The following PCDH15 variants were observed in gnomAD, a reference collection of about 807,000 sequenced individuals.
PCDH15 encodes protocadherin-15.
PCDH15 carries 129 observed loss-of-function variants against 178.5 expected under a neutral mutation model. That is an observed-to-expected ratio of 0.72 (90% CI 0.63 to 0.84). The LOEUF (loss-of-function observed/expected upper bound fraction) is 0.84, where lower values mean the gene tolerates loss of function less well. Among genes scored for constraint, PCDH15 ranks in the 40% least tolerant of loss-of-function variants. The pLI, the probability that PCDH15 is intolerant of heterozygous loss-of-function variation, is 0.00. For synonymous variants in PCDH15, 800 were observed against 732.0 expected, an observed-to-expected ratio of 1.09 and a Z score of -1.50; for missense variants, 2,230 against 2,099.9, an observed-to-expected ratio of 1.06 and a Z score of -1.21.
At chr10:55,526,320 A>G (rs1415550913) in intron 2 of PCDH15, among the ~76,000 whole-genome samples, 2 of 152,030 alleles carry the variant, frequency 1.3e-5, no homozygotes, top group Admixed American at 6.6e-5. Context: ...TCCAATACGT[A>G]GAAAACAGGA....
intron 15 of PCDH15, among the ~76,000 whole-genome samples, chr10:54,114,943 C>T (rs10740573): frequency 0.74 from 113,205 of 152,050 alleles, 42,987 homozygotes; most frequent in East Asian, 0.99. Context: ...GAAGCCATGT[C>T]AGGAATTTAA....
intron 1 of PCDH15, among the ~76,000 whole-genome samples, chr10:55,236,686 G>T (rs910361839): frequency 6.6e-6 from 1 of 151,748 alleles, no homozygotes; most frequent in Admixed American, 6.6e-5. Flanking sequence ...AAAAGTTGGC[G>T]TTTTCCTATT....
At chr10:54,231,953 T>C (rs1350828247) in intron 9 of PCDH15, among the ~76,000 whole-genome samples, 1 of 152,116 alleles carries the variant, frequency 6.6e-6, no homozygotes, top group Non-Finnish European at 1.5e-5. Flanking sequence ...TCAGATGAGA[T>C]TTTGGACTGT....
intron 2 of PCDH15, among the ~76,000 whole-genome samples, chr10:55,140,041 C>T (rs10740613): frequency 0.91 from 138,643 of 151,768 alleles, 63,799 homozygotes; most frequent in Non-Finnish European, 0.97. Flanking sequence ...TCAAATAGTT[C>T]ATTTTCAATT....
intron 2 of PCDH15, among the ~76,000 whole-genome samples, chr10:54,562,709 T>C (rs998330273): frequency 5.9e-5 from 9 of 152,092 alleles, no homozygotes; most frequent in African/African-American, 2.2e-4. Context: ...TCAGTCTCTC[T>C]CTCTTGATAT....
intron 2 of PCDH15, among the ~76,000 whole-genome samples, chr10:55,360,220 AATATAT>A (rs1448288736): frequency 6.6e-6 from 1 of 151,996 alleles, no homozygotes; most frequent in East Asian, 1.9e-4. Flanking sequence ...GTACACCATA[AATATAT>A]ATAATTTACA....
At chr10:54,875,380 C>T (rs1216728242) in intron 3 of PCDH15, among the ~76,000 whole-genome samples, 1 of 152,056 alleles carries the variant, frequency 6.6e-6, no homozygotes, top group African/African-American at 2.4e-5. Context: ...AATATTGAGA[C>T]TGGGCCAGTT....
At chr10:54,402,314 A>G (rs1409350932) in intron 3 of PCDH15, among the ~76,000 whole-genome samples, 2 of 152,016 alleles carry the variant, frequency 1.3e-5, no homozygotes, top group South Asian at 2.1e-4. Flanking sequence ...ATACAATCTT[A>G]TAATTTCTAT....
chr10:54,908,252 G>C (rs1366059123), intron 2 of PCDH15, among the ~76,000 whole-genome samples: 1 of 152,214 alleles, frequency 6.6e-6, no homozygotes, highest in Non-Finnish European at 1.5e-5. Flanking sequence ...TTCAGTTATA[G>C]TGCATAGCCA....
intron 8 of PCDH15, among the ~76,000 whole-genome samples, chr10:54,238,176 A>C (rs10825281): frequency 6.6e-6 from 1 of 151,942 alleles, no homozygotes; most frequent in Non-Finnish European, 1.5e-5. Flanking sequence ...CTCAATATCT[A>C]CAACCTTACA....
At chr10:54,019,111 C>G (rs2092831835) in intron 20 of PCDH15, among the ~76,000 whole-genome samples, 1 of 151,936 alleles carries the variant, frequency 6.6e-6, no homozygotes, top group Non-Finnish European at 1.5e-5. Flanking sequence ...TCCTTTCTGA[C>G]CAGCCCTTTT....
chr10:54,561,150 T>A (rs2088086229), intron 2 of PCDH15, among the ~76,000 whole-genome samples: 1 of 152,114 alleles, frequency 6.6e-6, no homozygotes, highest in South Asian at 2.1e-4. Flanking sequence ...ACATCTTAAG[T>A]AAAATTTCAA....
intron 28 of PCDH15, among the ~76,000 whole-genome samples, chr10:53,843,587 ATATAT>A (rs1308090937): frequency 1.3e-5 from 2 of 152,044 alleles, no homozygotes; most frequent in African/African-American, 4.8e-5. Context: ...TTTCTTCTTC[ATATAT>A]TATATTGCTT....
At chr10:54,880,456 G>T (rs1954242066) in intron 3 of PCDH15, among the ~76,000 whole-genome samples, 1 of 152,026 alleles carries the variant, frequency 6.6e-6, no homozygotes, top group Non-Finnish European at 1.5e-5. Context: ...TCCTGATGGA[G>T]AAATTTAGAA....
intron 2 of PCDH15, among the ~76,000 whole-genome samples, chr10:54,974,771 A>G (rs976444416): frequency 6.6e-6 from 1 of 152,168 alleles, no homozygotes; most frequent in African/African-American, 2.4e-5. Context: ...TTACCATGTA[A>G]TGTGGTGTCC....
chr10:55,617,078 A>G (rs1049091959), intron 2 of PCDH15, among the ~76,000 whole-genome samples: 2 of 151,988 alleles, frequency 1.3e-5, no homozygotes, highest in African/African-American at 2.4e-5. Flanking sequence ...CTCATAAGCA[A>G]CCTCTCAACC....
At chr10:54,962,814 A>G (rs1838689879) in intron 2 of PCDH15, among the ~76,000 whole-genome samples, 1 of 152,198 alleles carries the variant, frequency 6.6e-6, no homozygotes, top group Non-Finnish European at 1.5e-5. Flanking sequence ...CTGCCAGCCA[A>G]GAACAGCCTG....
At chr10:54,376,051 A>G (rs1219337447) in intron 4 of PCDH15, among the ~76,000 whole-genome samples, 1 of 151,186 alleles carries the variant, frequency 6.6e-6, no homozygotes, top group Non-Finnish European at 1.5e-5. Context: ...ACCTGCCACA[A>G]TGCCTGGATA....
At chr10:55,485,094 A>C (rs1262574325) in intron 2 of PCDH15, among the ~76,000 whole-genome samples, 1 of 151,742 alleles carries the variant, frequency 6.6e-6, no homozygotes, top group African/African-American at 2.4e-5. Context: ...CAGAATGAAA[A>C]GATAATTTAA....
Sources: gnomAD v4.1 joint callset for allele counts (sites outside exome capture counted in the v4.1 genomes callset) on GRCh38, gnomAD v4.1.1 for gene constraint, MANE v1.5 for transcripts, NCBI Gene and HGNC (gene_info 2026-07-23, HGNC 2026-07-21) for gene names.